Variants in ARPC1A observed in about 807,000 individuals in gnomAD.
ARPC1A encodes actin related protein 2/3 complex subunit 1A, also known as actin-related protein 2/3 complex subunit 1A.
Under a neutral mutation model 46.9 loss-of-function variants are expected in ARPC1A, and 8 were observed. The observed-to-expected ratio is 0.17, with a 90% confidence interval of 0.10 to 0.31. The LOEUF (loss-of-function observed/expected upper bound fraction) is 0.31. Among genes scored for constraint, ARPC1A ranks in the 10% least tolerant of loss-of-function variants. ARPC1A has a pLI of 1.00. For synonymous variants in ARPC1A, 152 were observed against 169.0 expected (o/e 0.90, Z 0.78); for missense variants, 286 against 483.6 (o/e 0.59, Z 3.83).
chr7:99,346,983 A>C (rs188501993), intron 4 of ARPC1A, among the ~76,000 whole-genome samples: 117 of 152,298 alleles, frequency 7.7e-4, no homozygotes, highest in Admixed American at 1.6e-3. Context: ...TGTCTCAAAA[A>C]ATATGTATAC....
At chr7:99,336,983 A>T (rs761291547) in intron 2 of ARPC1A, among the ~76,000 whole-genome samples, 8 of 149,116 alleles carry the variant, frequency 5.4e-5, no homozygotes, top group Non-Finnish European at 9.0e-5. Flanking sequence ...AAATTCAATT[A>T]AAAAAAAAAC....
chr7:99,348,038 G>A (rs527658673), intron 4 of ARPC1A, among the ~76,000 whole-genome samples: 7 of 152,162 alleles, frequency 4.6e-5, no homozygotes, highest in Admixed American at 3.3e-4. Flanking sequence ...TGGTGCTAGC[G>A]AATTAGAGGC....
chr7:99,361,123 A>G (rs1207818013), intron 8 of ARPC1A, among the ~76,000 whole-genome samples: 1 of 152,128 alleles, frequency 6.6e-6, no homozygotes, highest in Non-Finnish European at 1.5e-5. Flanking sequence ...GTTTGAGAGA[A>G]TTACAATGAA....
chr7:99,353,849 C>G, intron 5 of ARPC1A, 60 bp from the exon 6 acceptor site: 1 of 1,518,414 alleles, frequency 6.6e-7, no homozygotes, highest in Non-Finnish European at 9.1e-7. Context: ...TGCCTATGGC[C>G]TGTTTCTATA....
intron 5 of ARPC1A, among the ~76,000 whole-genome samples, chr7:99,349,165 C>G (rs1175495000): frequency 6.6e-6 from 1 of 152,162 alleles, no homozygotes; most frequent in African/African-American, 2.4e-5. Flanking sequence ...ATCCTCCAGC[C>G]TCAGCCTCCA....
At chr7:99,356,434 G>A (rs911557648) in intron 6 of ARPC1A, among the ~76,000 whole-genome samples, 2 of 151,114 alleles carry the variant, frequency 1.3e-5, no homozygotes, top group Non-Finnish European at 2.9e-5. Flanking sequence ...GAGAAACCCC[G>A]CCTCTACTAA....
At chr7:99,349,548 T>C (rs542709194) in intron 5 of ARPC1A, among the ~76,000 whole-genome samples, 1 of 150,276 alleles carries the variant, frequency 6.7e-6, no homozygotes, top group Admixed American at 6.6e-5. Flanking sequence ...CTACTAAAAA[T>C]ACAAAAGAGG....
At chr7:99,335,507 G>GT (rs1465458481) in intron 2 of ARPC1A, 3 of 349,588 alleles carry the variant, frequency 8.6e-6, no homozygotes, top group Non-Finnish European at 1.7e-5. Context: ...ATCAAGAAGT[G>GT]TAAGTTCCAA....
chr7:99,339,784 T>A (rs1452718954), intron 3 of ARPC1A: 1 of 276,098 alleles, frequency 3.6e-6, no homozygotes, highest in African/African-American at 2.2e-5. Context: ...TACATGAAAG[T>A]GCTGAATAGG....
rs899439517 is a variant in ARPC1A at position 99,362,717 on chromosome 7, C to T, written c.984-826C>T. Among the ~76,000 whole-genome samples the T allele has an allele frequency of 2.0e-5, 3 of 151,992 alleles. No homozygotes were observed. In the East Asian group the frequency reaches 5.8e-4, roughly 29 times the overall value. ...AGTGTGTGCCATAGTTTGCCATCCC[C>T]TTCCCAGCGTCGGGGAAGAGGCGGG... On this transcript the variant is annotated intron_variant, in intron 8 of 9. Coordinates refer to ENST00000262942, the MANE Select transcript of ARPC1A (RefSeq NM_006409.4).
At position 99,333,329 on chromosome 7, in the gene ARPC1A, C is replaced by A; in HGVS notation, c.-25C>A. On this transcript the variant is annotated 5_prime_UTR_variant, in exon 2 of 10. Transcript: ENST00000262942. ...TTTTGTTATTGTTCATTGCAGCTTT[C>A]TCTCCTTTGAAAACACTAAGAATAA... 3 of 1,602,168 alleles carry A rather than the reference C, an allele frequency of 1.9e-6. No homozygotes were observed. The highest frequency in any genetic ancestry group is 2.6e-6 in the Non-Finnish European group (3 of 1,170,084).
At chr7:99,365,333 C>A (rs1793817563) in intron 9 of ARPC1A, among the ~76,000 whole-genome samples, 1 of 152,060 alleles carries the variant, frequency 6.6e-6, no homozygotes, top group African/African-American at 2.4e-5. Context: ...CTCCTGTAAT[C>A]CCAGCACTTT....
At chr7:99,328,301 G>A (rs1010690427) in intron 1 of ARPC1A, among the ~76,000 whole-genome samples, 4 of 152,084 alleles carry the variant, frequency 2.6e-5, no homozygotes, top group African/African-American at 9.7e-5. Flanking sequence ...CCCGGGAGAC[G>A]GAGGTTGCGG....
Position 99,338,220 on chromosome 7 carries a change from A to G in ARPC1A, c.104A>G (p.Tyr35Cys), listed in dbSNP as rs1230440501. The change falls in exon 3 of 10, where the codon TAT (tyrosine) becomes TGT (cysteine). Residue 35 changes from tyrosine to cysteine, a missense_variant. Physicochemically the swap from Tyr to Cys is radical, Grantham distance 194 (BLOSUM62 -2). This residue lies in a region of ARPC1A where 55 missense variants were observed against 59.4 expected (regional missense o/e 0.93). Coordinates refer to ENST00000262942, the MANE Select transcript of ARPC1A (RefSeq NM_006409.4). ...LSPNNHEVHI[Y>C]KKNGSQWVKA... ...CCCAATAATCACGAAGTGCACATCT[A>G]TAAGAAGAACGGGAGCCAGTGGGTG... 2 of 1,613,546 alleles carry G rather than the reference A, an allele frequency of 1.2e-6. No individual in the cohort carries two copies. Among genetic ancestry groups the G allele is most frequent in the South Asian group, 1.1e-5 (1 of 90,976 alleles).
chr7:99,349,659 A>G (rs1297331524), intron 5 of ARPC1A, among the ~76,000 whole-genome samples: 1 of 152,102 alleles, frequency 6.6e-6, no homozygotes, highest in African/African-American at 2.4e-5. Context: ...TAACACAGTG[A>G]AACCCCGTCT....
chr7:99,354,913 G>T (rs1311141379), intron 6 of ARPC1A, among the ~76,000 whole-genome samples: 1 of 152,126 alleles, frequency 6.6e-6, no homozygotes, highest in Non-Finnish European at 1.5e-5. Flanking sequence ...GGGAGTTTGA[G>T]ACCAGCCTGA....
At chr7:99,347,235 A>T (rs1267765184) in intron 4 of ARPC1A, among the ~76,000 whole-genome samples, 1 of 152,040 alleles carries the variant, frequency 6.6e-6, no homozygotes, top group Non-Finnish European at 1.5e-5. Context: ...ACACCTGGCT[A>T]ATTTTTTGAT....
chr7:99,326,194 C>T (rs1218577628), intron 1 of ARPC1A, among the ~76,000 whole-genome samples, 190 bp downstream of exon 1: 8 of 152,292 alleles, frequency 5.3e-5, no homozygotes, highest in African/African-American at 1.7e-4. Flanking sequence ...TCCCCTGCAG[C>T]TTTTCTCAGG....
intron 9 of ARPC1A, among the ~76,000 whole-genome samples, chr7:99,364,110 A>C (rs1044166619): frequency 2.0e-5 from 3 of 151,704 alleles, no homozygotes; most frequent in Non-Finnish European, 4.4e-5. Flanking sequence ...GCACACTACA[A>C]CACCCGGCTA....
Sources: allele counts gnomAD v4.1 joint callset (sites outside exome capture counted in the v4.1 genomes callset), GRCh38; gene constraint gnomAD v4.1.1; regional missense constraint gnomAD v4.1.1; transcripts MANE v1.5; gene names NCBI Gene and HGNC (gene_info 2026-07-23, HGNC 2026-07-21).